The following SYT1 variants were observed in gnomAD, a reference collection of about 807,000 sequenced individuals.
SYT1 encodes the protein synaptotagmin 1, also known as synaptotagmin-1.
Under a neutral mutation model 44.8 loss-of-function variants are expected in SYT1, and 8 were observed. That is an observed-to-expected ratio of 0.18 (90% CI 0.10 to 0.32). The LOEUF (loss-of-function observed/expected upper bound fraction) is 0.32. SYT1 is among the 10% of genes least tolerant of loss of function. The probability of loss-of-function intolerance (pLI) is 1.00; values close to 1 mark genes in which losing one functional copy is unlikely to be tolerated. For synonymous variants in SYT1, 154 were observed against 188.8 expected, an observed-to-expected ratio of 0.82 and a Z score of 1.51; for missense variants, 286 against 509.3, an observed-to-expected ratio of 0.56 and a Z score of 4.22.
chr12:78,905,223 T>A (rs1875901209), intron 1 of SYT1, among the ~76,000 whole-genome samples: 1 of 152,188 alleles, frequency 6.6e-6, no homozygotes, highest in Admixed American at 6.5e-5. Context: ...AGAGATTAAT[T>A]ATCTGGGGCC....
chr12:79,180,966 C>A (rs973123135), intron 3 of SYT1, among the ~76,000 whole-genome samples: 2 of 152,016 alleles, frequency 1.3e-5, no homozygotes, highest in African/African-American at 4.8e-5. Context: ...CTCTCGAGAG[C>A]TGATGGTTTT....
At position 79,045,235 on chromosome 12, in the gene SYT1, C is replaced by T. The variant is rs915058086; in HGVS notation, c.-83-2062C>T. Among the ~76,000 whole-genome samples, 5 of 152,328 alleles carry T rather than the reference C, an allele frequency of 3.3e-5. No individual in the cohort carries two copies. In the South Asian group the frequency reaches 8.3e-4, roughly 25 times the overall value. On this transcript the variant is annotated intron_variant, in intron 2 of 10. Transcript: ENST00000261205. ...CTCCCCCAGCCTGGCTGCCGCCTTG[C>T]AGTTTGATCTCAGACTGCTGTGCTA...
chr12:78,954,264 C>G (rs930836608), intron 1 of SYT1, among the ~76,000 whole-genome samples: 2 of 152,062 alleles, frequency 1.3e-5, no homozygotes, highest in African/African-American at 2.4e-5. Context: ...CCAGAAGTCA[C>G]CTTGACCATG....
intron 1 of SYT1, among the ~76,000 whole-genome samples, chr12:78,866,567 TCATTG>T (rs1372518745): frequency 4.1e-4 from 63 of 152,154 alleles, no homozygotes; most frequent in Non-Finnish European, 8.2e-4. Context: ...TCTAATTCCA[TCATTG>T]GGGATATAAG....
At chr12:78,938,232 G>A (rs951359662) in intron 1 of SYT1, among the ~76,000 whole-genome samples, 7 of 151,910 alleles carry the variant, frequency 4.6e-5, no homozygotes, top group Non-Finnish European at 7.4e-5. Context: ...CTTTTCTCCA[G>A]GAAAATAGGA....
intron 9 of SYT1, among the ~76,000 whole-genome samples, chr12:79,442,114 C>A (rs1254210496): frequency 6.6e-6 from 1 of 152,172 alleles, no homozygotes; most frequent in Non-Finnish European, 1.5e-5. Context: ...CTTGAGAAAA[C>A]CTATGCCTCA....
chr12:79,278,423 A>C (rs1475121393), intron 4 of SYT1, among the ~76,000 whole-genome samples: 1 of 151,804 alleles, frequency 6.6e-6, no homozygotes, highest in Non-Finnish European at 1.5e-5. Context: ...CTTTGGGTCA[A>C]TGATGAAATT....
intron 3 of SYT1, among the ~76,000 whole-genome samples, chr12:79,079,745 A>G (rs1876899694): frequency 1.3e-5 from 2 of 152,142 alleles, no homozygotes; most frequent in Admixed American, 1.3e-4. Flanking sequence ...AATAATTTCA[A>G]AGAACTATTT....
intron 3 of SYT1, among the ~76,000 whole-genome samples, chr12:79,142,358 C>T (rs765216535): frequency 6.6e-6 from 1 of 152,206 alleles, no homozygotes; most frequent in Non-Finnish European, 1.5e-5. Context: ...TGAAAACTTA[C>T]ATTTTTCACC....
At chr12:79,288,851 T>C (rs1293235209) in intron 5 of SYT1, among the ~76,000 whole-genome samples, 1 of 152,202 alleles carries the variant, frequency 6.6e-6, no homozygotes, top group East Asian at 1.9e-4. Context: ...GTAGGTTTCC[T>C]CTGCTACTTA....
intron 3 of SYT1, among the ~76,000 whole-genome samples, chr12:79,141,001 A>G (rs1161258010): frequency 2.0e-5 from 3 of 152,222 alleles, no homozygotes; most frequent in Non-Finnish European, 4.4e-5. Context: ...AGAGTTCCTC[A>G]TGAAAAATGG....
At chr12:78,998,941 A>C (rs1870551207) in intron 2 of SYT1, among the ~76,000 whole-genome samples, 1 of 152,170 alleles carries the variant, frequency 6.6e-6, no homozygotes, top group Non-Finnish European at 1.5e-5. Flanking sequence ...AGAAATTTTC[A>C]TTCTATCACA....
chr12:79,046,544 G>T (rs1229411708), intron 2 of SYT1: 1 of 152,020 alleles, frequency 6.6e-6, no homozygotes, highest in African/African-American at 2.4e-5. Flanking sequence ...TTACATTAAA[G>T]CAATTCTTAA....
At chr12:79,433,358 ACTCT>A (rs1208148899) in intron 9 of SYT1, among the ~76,000 whole-genome samples, 1 of 151,902 alleles carries the variant, frequency 6.6e-6, no homozygotes, top group Non-Finnish European at 1.5e-5. Context: ...TTGTCTGGGG[ACTCT>A]CTCTATGTGG....
intron 1 of SYT1, among the ~76,000 whole-genome samples, chr12:78,943,150 G>A (rs952517773): frequency 7.2e-5 from 11 of 152,188 alleles, no homozygotes; most frequent in African/African-American, 1.9e-4. Flanking sequence ...CTAGTTCTTC[G>A]GTCATCTATT....
chr12:79,425,655 C>T (rs1869400366), intron 9 of SYT1, among the ~76,000 whole-genome samples: 1 of 152,060 alleles, frequency 6.6e-6, no homozygotes, highest in Non-Finnish European at 1.5e-5. Flanking sequence ...AATATAACTC[C>T]TTCTCTTTCA....
intron 2 of SYT1, among the ~76,000 whole-genome samples, chr12:79,027,250 G>T (rs1041077928): frequency 6.6e-6 from 1 of 151,330 alleles, no homozygotes; most frequent in African/African-American, 2.4e-5. Flanking sequence ...CCCCTTTGCT[G>T]ACCGCCTACT....
chr12:79,209,327 C>T (rs1874305875), intron 3 of SYT1, among the ~76,000 whole-genome samples: 1 of 152,134 alleles, frequency 6.6e-6, no homozygotes, highest in South Asian at 2.1e-4. Flanking sequence ...GACAGTGGTT[C>T]ATTTTTTTTC....
chr12:79,283,738 T>C (rs912717833), intron 4 of SYT1, among the ~76,000 whole-genome samples: 3 of 152,150 alleles, frequency 2.0e-5, no homozygotes, highest in African/African-American at 7.2e-5. Context: ...TTTTATGTAA[T>C]CTTTACCTTG....
Sources: gnomAD v4.1 joint callset for allele counts (sites outside exome capture counted in the v4.1 genomes callset) on GRCh38, gnomAD v4.1.1 for gene constraint, MANE v1.5 for transcripts, NCBI Gene and HGNC (gene_info 2026-07-23, HGNC 2026-07-21) for gene names.